The following TMEM51 variants were observed in gnomAD, a reference collection of about 807,000 sequenced individuals.
TMEM51 encodes chromosome 1 open reading frame 72.
A neutral mutation model predicts 13.6 loss-of-function variants in TMEM51; 8 were observed. The ratio of observed to expected loss-of-function variants is 0.59; its 90% CI spans 0.35 to 1.07. TMEM51 has a LOEUF of 1.07. TMEM51 is among the 50% of genes least tolerant of loss of function. The probability of loss-of-function intolerance (pLI) is 0.02; values close to 1 mark genes in which losing one functional copy is unlikely to be tolerated. For synonymous variants in TMEM51, 147 were observed against 144.4 expected (o/e 1.02, Z -0.13); for missense variants, 279 against 330.7 (o/e 0.84, Z 1.21).
chr1:15,159,385 A>AC (rs1342823083), intron 1 of TMEM51, among the ~76,000 whole-genome samples: 1 of 151,900 alleles, frequency 6.6e-6, no homozygotes, highest in African/African-American at 2.4e-5. Flanking sequence ...GCAGCCTGTG[A>AC]CCCCCATAGG....
chr1:15,199,115 C>CT (rs933937595), intron 1 of TMEM51, among the ~76,000 whole-genome samples: 2 of 148,466 alleles, frequency 1.3e-5, no homozygotes, highest in African/African-American at 2.5e-5. Flanking sequence ...TCGATTGTGT[C>CT]TTTTTTTAGT....
intron 1 of TMEM51, among the ~76,000 whole-genome samples, chr1:15,191,562 G>T (rs534123171): frequency 6.6e-6 from 1 of 152,308 alleles, no homozygotes; most frequent in African/African-American, 2.4e-5. Context: ...CCATGCTAGA[G>T]GCACAGACAC....
At chr1:15,190,762 T>G (rs529209340) in intron 1 of TMEM51, among the ~76,000 whole-genome samples, 57 of 151,358 alleles carry the variant, frequency 3.8e-4, no homozygotes, top group African/African-American at 1.3e-3. Context: ...TTTTGTTTTG[T>G]TTTTGGTTTT....
chr1:15,158,909 G>A (rs1453777074), intron 1 of TMEM51, among the ~76,000 whole-genome samples: 1 of 152,208 alleles, frequency 6.6e-6, no homozygotes, highest in African/African-American at 2.4e-5. Flanking sequence ...TGCATTTCCT[G>A]TCACGAGAAA....
At chr1:15,166,410 T>G (rs919561666) in intron 1 of TMEM51, among the ~76,000 whole-genome samples, 1 of 152,164 alleles carries the variant, frequency 6.6e-6, no homozygotes, top group African/African-American at 2.4e-5. Flanking sequence ...AGCCGACTCA[T>G]AGGCAACTGT....
intron 1 of TMEM51, among the ~76,000 whole-genome samples, chr1:15,177,818 C>A (rs964365657): frequency 6.6e-6 from 1 of 152,146 alleles, no homozygotes; most frequent in African/African-American, 2.4e-5. Context: ...GGTCACCAAC[C>A]CCATCCCCAT....
rs200227686 is a variant in TMEM51, at chr1:15,163,820, C to CT, written c.-267+9873dup. Reference sequence around the variant, plus strand: ...TTCACCCAACTTCCCCTAATGTTGGCTTTTTTTGGGGGGGGGGAGGGGGGA... The same window carrying CT: ...TTCACCCAACTTCCCCTAATGTTGGCTTTTTTTTGGGGGGGGGGAGGGGGGA... On this transcript the variant is annotated intron_variant, in intron 1 of 3. Coordinates refer to ENST00000376008, the MANE Select transcript of TMEM51 (RefSeq NM_001136218.2). Among the ~76,000 whole-genome samples, 12 of 108,244 alleles carry CT rather than the reference C, an allele frequency of 1.1e-4. No homozygotes were observed. The South Asian group carries it at 1.1e-3, about 10-fold the overall frequency. 71.0% of individuals were successfully genotyped at this position (108,244 alleles called of 152,430 possible).
At chr1:15,171,059 G>T (rs1643252105) in intron 1 of TMEM51, 7 of 829,230 alleles carry the variant, frequency 8.4e-6, no homozygotes, top group African/African-American at 3.5e-5. Context: ...CCTCTGGGGT[G>T]GGGGGCTTGT....
intron 2 of TMEM51, among the ~76,000 whole-genome samples, chr1:15,211,772 C>T (rs1272990229): frequency 6.7e-6 from 1 of 148,504 alleles, no homozygotes; most frequent in Non-Finnish European, 1.5e-5. Flanking sequence ...GTACACTTTC[C>T]GAGTTTCCTT....
rs3737685 is a variant in TMEM51 at position 15,153,909 on chromosome 1, T to C, written c.-312T>C. 139,855 of 151,880 alleles carry C rather than the reference T, an allele frequency of 0.92. 64,559 individuals carry two copies. The highest frequency in any genetic ancestry group is 0.99 in the South Asian group (4,766 of 4,818). 9.4% of individuals were successfully genotyped at this position (151,880 alleles called of 1,614,324 possible). A position where few individuals can be genotyped will look rare whatever the true frequency, so the allele number is the denominator to read the frequency against. ...GGCGCGGGGGTCGCGAAGCCCGCAG[T>C]CCCGGACCGCCCAGCCGAGACGGAG... is the stretch of plus-strand genomic sequence containing the variant. On this transcript the variant is annotated 5_prime_UTR_variant, in exon 1 of 4. Transcript: ENST00000376008.
chr1:15,207,223 G>A lies in TMEM51; in HGVS notation c.-266-3267G>A, dbSNP rs748706552. 2.6e-5 allele frequency among the ~76,000 whole-genome samples: 4 copies of A among 152,130 alleles called. No individual in the cohort carries two copies. Among genetic ancestry groups the A allele is most frequent in the African/African-American group, 9.7e-5 (4 of 41,422 alleles). ...ATGGGGGTTGGTAGCACCGCCAGCC[G>A]CCTCCGACTGGCAAGACCTCCTCCC... On this transcript the variant is annotated intron_variant, in intron 1 of 3. Coordinates refer to ENST00000376008, the MANE Select transcript of TMEM51 (RefSeq NM_001136218.2). The surrounding 1 kb of genome is among the most constrained non-coding windows in gnomAD (Gnocchi z 4.6).
intron 1 of TMEM51, among the ~76,000 whole-genome samples, chr1:15,184,564 G>A (rs955563271): frequency 2.0e-5 from 3 of 152,110 alleles, no homozygotes; most frequent in Non-Finnish European, 4.4e-5. Context: ...ACTTGCTAGG[G>A]CCAGGGCAGC....
At chr1:15,188,074 G>A (rs1406460536) in intron 1 of TMEM51, among the ~76,000 whole-genome samples, 1 of 152,176 alleles carries the variant, frequency 6.6e-6, no homozygotes, top group Non-Finnish European at 1.5e-5. Flanking sequence ...AGATGAGAGT[G>A]TTTTTGGCTC....
chr1:15,198,966 G>A (rs1644102237), intron 1 of TMEM51, among the ~76,000 whole-genome samples: 1 of 152,114 alleles, frequency 6.6e-6, no homozygotes, highest in Non-Finnish European at 1.5e-5. Context: ...AGATTGACGT[G>A]GCAGAGGGGA....
chr1:15,193,210 CATG>C (rs1403752391), intron 1 of TMEM51, among the ~76,000 whole-genome samples: 2 of 152,240 alleles, frequency 1.3e-5, no homozygotes, highest in African/African-American at 2.4e-5. Context: ...CCAGGTGACC[CATG>C]GAGGTACCTC....
chr1:15,181,433 T>G (rs1172765797), intron 1 of TMEM51, among the ~76,000 whole-genome samples: 1 of 152,174 alleles, frequency 6.6e-6, no homozygotes, highest in Non-Finnish European at 1.5e-5. Context: ...CAAAAAGCCT[T>G]TTTGAACTAC....
chr1:15,181,858 T>A (rs909102176), intron 1 of TMEM51, among the ~76,000 whole-genome samples: 1 of 152,142 alleles, frequency 6.6e-6, no homozygotes, highest in African/African-American at 2.4e-5. Context: ...GGCTGGTTTA[T>A]AAATTTAAAA....
At chr1:15,156,636 A>G (rs1397133161) in intron 1 of TMEM51, among the ~76,000 whole-genome samples, 18 of 152,228 alleles carry the variant, frequency 1.2e-4, no homozygotes, top group Admixed American at 6.5e-4. Flanking sequence ...ATCCTTCTCC[A>G]TGCTTCAAGT....
intron 1 of TMEM51, among the ~76,000 whole-genome samples, chr1:15,206,049 C>T (rs1361732058): frequency 6.6e-6 from 1 of 152,092 alleles, no homozygotes; most frequent in African/African-American, 2.4e-5. Flanking sequence ...CCAGCCTGGG[C>T]AACAGAGCGA....
Sources: gnomAD v4.1 joint callset for allele counts (sites outside exome capture counted in the v4.1 genomes callset) on GRCh38, gnomAD v4.1.1 for gene constraint, Gnocchi (gnomAD v3.1) non-coding constraint, MANE v1.5 for transcripts, NCBI Gene and HGNC (gene_info 2026-07-23, HGNC 2026-07-21) for gene names.